Variants in UBXN2A observed in about 807,000 individuals in gnomAD.
The protein encoded by UBXN2A is UBX domain-containing protein 2A.
UBXN2A carries 28 observed loss-of-function variants against 28.4 expected under a neutral mutation model. The ratio of observed to expected loss-of-function variants is 0.99; its 90% CI spans 0.73 to 1.35. The LOEUF (loss-of-function observed/expected upper bound fraction) is 1.35. UBXN2A is among the 40% of genes most tolerant of loss of function. The pLI is 0.00. For synonymous variants in UBXN2A, 97 were observed against 103.6 expected (o/e 0.94, Z 0.39); for missense variants, 253 against 297.9 (o/e 0.85, Z 1.11).
chr2:23,991,209 C>A (rs1708339321), intron 6 of UBXN2A, among the ~76,000 whole-genome samples: 1 of 152,062 alleles, frequency 6.6e-6, no homozygotes, highest in African/African-American at 2.4e-5. Context: ...TTCTTATTTA[C>A]TTCTGTCAAT....
At chr2:23,956,802 A>G (rs1433372730) in intron 1 of UBXN2A, among the ~76,000 whole-genome samples, 5 of 152,184 alleles carry the variant, frequency 3.3e-5, no homozygotes, top group Admixed American at 2.0e-4. Flanking sequence ...AAACCAACAT[A>G]TAGGCACTTG....
chr2:23,953,006 T>A (rs549779530), intron 1 of UBXN2A, among the ~76,000 whole-genome samples: 3 of 151,516 alleles, frequency 2.0e-5, no homozygotes, highest in Non-Finnish European at 4.4e-5. Flanking sequence ...ATTGTGGTCA[T>A]AATACATCTT....
chr2:23,966,726 C>T (rs570234818), intron 2 of UBXN2A, among the ~76,000 whole-genome samples: 64 of 143,908 alleles, frequency 4.4e-4, no homozygotes, highest in African/African-American at 1.6e-3. Flanking sequence ...GCTAGGATTA[C>T]AGGCGTGAGC....
intron 1 of UBXN2A, among the ~76,000 whole-genome samples, chr2:23,952,718 C>T: frequency 6.6e-6 from 1 of 152,144 alleles, no homozygotes; most frequent in Non-Finnish European, 1.5e-5. Context: ...GTTGGTATTA[C>T]AGGTGTGAGC....
intron 6 of UBXN2A, among the ~76,000 whole-genome samples, chr2:23,992,311 G>A (rs1476873868): frequency 6.6e-6 from 1 of 152,184 alleles, no homozygotes; most frequent in African/African-American, 2.4e-5. Flanking sequence ...TCGCCATGTT[G>A]GCCAGGCTGG....
At chr2:23,949,867 T>A (rs1706275401) in intron 1 of UBXN2A, among the ~76,000 whole-genome samples, 1 of 111,142 alleles carries the variant, frequency 9.0e-6, no homozygotes. Flanking sequence ...AGAGCAAGAC[T>A]CTGTCTCAAA....
At chr2:23,999,512 G>T (rs1336129276) in intron 6 of UBXN2A, among the ~76,000 whole-genome samples, 160 bp from the exon 7 acceptor site, 7 of 152,110 alleles carry the variant, frequency 4.6e-5, no homozygotes, top group Non-Finnish European at 1.0e-4. Flanking sequence ...TTGAGCCCAG[G>T]AGTTATTATG....
At chr2:23,933,082 G>A (rs964512919) in intron 1 of UBXN2A, among the ~76,000 whole-genome samples, 1 of 151,940 alleles carries the variant, frequency 6.6e-6, no homozygotes, top group Non-Finnish European at 1.5e-5. Flanking sequence ...TTCAGCCTGG[G>A]CAACAGAGCG....
chr2:23,988,472 ATTTGT>A (rs1236067548), intron 6 of UBXN2A, among the ~76,000 whole-genome samples: 1 of 152,062 alleles, frequency 6.6e-6, no homozygotes, highest in Non-Finnish European at 1.5e-5. Flanking sequence ...TTACAAGCCA[ATTTGT>A]TTTGTTTGAT....
intron 6 of UBXN2A, among the ~76,000 whole-genome samples, chr2:23,998,304 A>G (rs1573616781): frequency 6.6e-6 from 1 of 152,226 alleles, no homozygotes; most frequent in Admixed American, 6.5e-5. Flanking sequence ...GGATGTATCT[A>G]TGAACAGAAA....
Position 23,940,586 on chromosome 2 carries a change from G to A in UBXN2A, c.-77G>A, listed in dbSNP as rs1378558421. The A allele has an allele frequency of 6.6e-6, 1 of 151,324 alleles. No homozygotes were observed. Among genetic ancestry groups the A allele is most frequent in the Non-Finnish European group, 1.5e-5 (1 of 67,754 alleles). The allele number at this position is 151,324 out of a possible 1,614,324, so 9.4% of individuals were successfully genotyped here. On this transcript the variant is annotated 5_prime_UTR_variant, in exon 1 of 7. Coordinates refer to ENST00000309033, the MANE Select transcript of UBXN2A (RefSeq NM_181713.4). ...AGGGCTCCAGCCAAACGGAGCCCGC[G>A]GCCAAACGGTGCCTGCGGTGCCTGA...
At chr2:23,947,344 C>T (rs11894756) in intron 1 of UBXN2A, among the ~76,000 whole-genome samples, 28,143 of 152,026 alleles carry the variant, frequency 0.19, 2,696 homozygotes, top group Middle Eastern at 0.26. Flanking sequence ...AGAAGATGTT[C>T]GGTAAACTGT....
At chr2:23,996,331 T>C (rs1474618445) in intron 6 of UBXN2A, among the ~76,000 whole-genome samples, 5 of 151,904 alleles carry the variant, frequency 3.3e-5, no homozygotes, top group African/African-American at 1.2e-4. Context: ...CCTCCTAAAG[T>C]GCTGAGAGTA....
chr2:23,944,399 C>G, intron 1 of UBXN2A: 7 of 1,226,334 alleles, frequency 5.7e-6, no homozygotes, highest in Non-Finnish European at 8.3e-6. Context: ...TTGTATTCAC[C>G]CATCTTTCAG....
At chr2:23,998,737 T>A (rs568913666) in intron 6 of UBXN2A, among the ~76,000 whole-genome samples, 213 of 151,890 alleles carry the variant, frequency 1.4e-3, no homozygotes, top group Non-Finnish European at 2.9e-3. Context: ...AAGAAAAGAA[T>A]CTTTTTTTTT....
chr2:23,941,537 G>A (rs1326427574), intron 1 of UBXN2A, among the ~76,000 whole-genome samples: 3 of 152,212 alleles, frequency 2.0e-5, no homozygotes, highest in Admixed American at 6.5e-5. Context: ...GAGGCTGACT[G>A]CAGTCCAGTG....
intron 1 of UBXN2A, among the ~76,000 whole-genome samples, chr2:23,931,800 T>C (rs1293129093): frequency 1.3e-5 from 2 of 151,370 alleles, no homozygotes; most frequent in African/African-American, 4.9e-5. Flanking sequence ...ATCATGAGTT[T>C]AGGAATTCAG....
intron 1 of UBXN2A, chr2:23,944,321 T>C: frequency 6.2e-7 from 1 of 1,603,538 alleles, no homozygotes; most frequent in Non-Finnish European, 8.5e-7. Flanking sequence ...TGGTTCTTAC[T>C]GTGTTATTTG....
At chr2:23,955,854 T>C (rs911405073) in intron 1 of UBXN2A, among the ~76,000 whole-genome samples, 2 of 152,260 alleles carry the variant, frequency 1.3e-5, no homozygotes, top group African/African-American at 4.8e-5. Context: ...ATTTGGAATG[T>C]ATTTTGGTTA....
Sources: gnomAD v4.1 joint callset for allele counts (sites outside exome capture counted in the v4.1 genomes callset) on GRCh38, gnomAD v4.1.1 for gene constraint, MANE v1.5 for transcripts, NCBI Gene and HGNC (gene_info 2026-07-23, HGNC 2026-07-21) for gene names.